Variants in LRRC37A2 observed in about 807,000 individuals in gnomAD.
LRRC37A2 encodes the protein leucine rich repeat containing 37 member A2, also known as leucine-rich repeat-containing protein 37A2.
Under a neutral mutation model 68.8 loss-of-function variants are expected in LRRC37A2, and 9 were observed. That is an observed-to-expected ratio of 0.13 (90% CI 0.08 to 0.23). The LOEUF (loss-of-function observed/expected upper bound fraction) is 0.23. Ranked by LOEUF, LRRC37A2 falls within the 10% of genes least tolerant of loss-of-function variation. The pLI is 1.00. For missense variants in LRRC37A2, 168 were observed against 950.4 expected (o/e 0.18, Z 10.82); for synonymous variants, 63 against 367.6 (o/e 0.17, Z 9.48).
intron 8 of LRRC37A2, among the ~76,000 whole-genome samples, chr17:46,541,328 T>G (rs2055273467): frequency 6.7e-6 from 1 of 149,890 alleles, no homozygotes; most frequent in Admixed American, 6.6e-5. Context: ...CTAGGCTCAC[T>G]GCAACCTCCA....
At chr17:46,870,802 G>T in the LRRC37A2 span, among the ~76,000 whole-genome samples, 12 of 152,090 alleles carry the variant, frequency 7.9e-5, no homozygotes, top group African/African-American at 2.4e-4. Flanking sequence ...ACCACTCCTG[G>T]CTTGACCACA....
At chr17:46,863,215 C>G in the LRRC37A2 span, among the ~76,000 whole-genome samples, 1 of 152,238 alleles carries the variant, frequency 6.6e-6, no homozygotes, top group African/African-American at 2.4e-5. Context: ...GTGGTAGCCT[C>G]TGCAGCCAGA....
At chr17:47,047,549 G>A in the LRRC37A2 span, among the ~76,000 whole-genome samples, 1 of 151,000 alleles carries the variant, frequency 6.6e-6, no homozygotes, top group Non-Finnish European at 1.5e-5. Flanking sequence ...ACTGTGTACT[G>A]TGCTCTCTGC....
the LRRC37A2 span, among the ~76,000 whole-genome samples, chr17:46,945,523 C>T: frequency 3.3e-5 from 5 of 152,204 alleles, no homozygotes; most frequent in African/African-American, 1.2e-4. Context: ...TCACTCCAGC[C>T]TCAGTTTCCT....
chr17:46,885,257 C>G, the LRRC37A2 span: 2 of 295,256 alleles, frequency 6.8e-6, no homozygotes, highest in Non-Finnish European at 1.3e-5. Context: ...CCACCCGCCT[C>G]GGCCTCCCAA....
chr17:47,018,364 A>C, the LRRC37A2 span: 1 of 1,611,080 alleles, frequency 6.2e-7, no homozygotes, highest in Non-Finnish European at 8.5e-7. Flanking sequence ...GAACATCATG[A>C]AGTCACAGTT....
the LRRC37A2 span, among the ~76,000 whole-genome samples, chr17:46,697,535 CG>C: frequency 7.2e-6 from 1 of 139,680 alleles, no homozygotes; most frequent in Non-Finnish European, 1.5e-5. Context: ...AGTAAACTTA[CG>C]TAACTATTCT....
the LRRC37A2 span, among the ~76,000 whole-genome samples, chr17:46,422,822 TGCTTGAATGCA>T: frequency 4.4e-5 from 5 of 113,512 alleles, no homozygotes. Context: ...ACATATAATT[TGCTTGAATGCA>T]GATATTTATT....
chr17:46,807,406 C>T, the LRRC37A2 span, among the ~76,000 whole-genome samples: 2 of 152,084 alleles, frequency 1.3e-5, no homozygotes, highest in Admixed American at 6.6e-5. Flanking sequence ...TGCTTGAACC[C>T]GGGAGGCGGA....
chr17:47,035,072 T>C, the LRRC37A2 span: 3 of 152,220 alleles, frequency 2.0e-5, no homozygotes, highest in African/African-American at 4.8e-5. Context: ...AGAGTGAATC[T>C]TCACTCCTCT....
chr17:46,721,752 T>G, the LRRC37A2 span: 3 of 1,605,018 alleles, frequency 1.9e-6, no homozygotes, highest in East Asian at 4.5e-5. Flanking sequence ...TTGCCCACAA[T>G]TTCGCTTGGG....
chr17:46,795,584 G>A, the LRRC37A2 span, among the ~76,000 whole-genome samples: 1 of 152,322 alleles, frequency 6.6e-6, no homozygotes, highest in East Asian at 1.9e-4. Context: ...CTGGTTAAAA[G>A]CAACCACAGG....
At chr17:47,015,006 C>CTTTT in the LRRC37A2 span, among the ~76,000 whole-genome samples, 123 of 106,098 alleles carry the variant, frequency 1.2e-3, 1 homozygote, top group Non-Finnish European at 1.4e-3. Flanking sequence ...CCATTTTTAT[C>CTTTT]TTTTTTTTTT....
At chr17:46,969,678 T>TA in the LRRC37A2 span, among the ~76,000 whole-genome samples, 1 of 152,198 alleles carries the variant, frequency 6.6e-6, no homozygotes, top group Non-Finnish European at 1.5e-5. Flanking sequence ...ATAAATGCCT[T>TA]AAACACGGAA....
At chr17:46,987,618 C>G in the LRRC37A2 span, among the ~76,000 whole-genome samples, 1 of 152,038 alleles carries the variant, frequency 6.6e-6, no homozygotes, top group Non-Finnish European at 1.5e-5. Context: ...ATGAGTGACC[C>G]CACTCTAAGT....
At chr17:46,751,884 C>T in the LRRC37A2 span, among the ~76,000 whole-genome samples, 52 of 152,176 alleles carry the variant, frequency 3.4e-4, no homozygotes, top group African/African-American at 1.2e-3. Context: ...CTAGAAAAGA[C>T]TTCAAAGAGC....
the LRRC37A2 span, among the ~76,000 whole-genome samples, chr17:46,778,196 G>A: frequency 5.9e-5 from 9 of 152,252 alleles, no homozygotes; most frequent in South Asian, 1.9e-3. Context: ...TTGCATCCCT[G>A]ACTTGGTAGA....
the LRRC37A2 span, among the ~76,000 whole-genome samples, chr17:46,956,250 T>G: frequency 1.4e-5 from 2 of 147,684 alleles, no homozygotes; most frequent in Admixed American, 6.7e-5. Context: ...TCTACCCGCC[T>G]AAGGCCAGGA....
the LRRC37A2 span, among the ~76,000 whole-genome samples, chr17:46,846,370 C>T: frequency 2.8e-4 from 43 of 152,346 alleles, no homozygotes; most frequent in African/African-American, 1.0e-3. Flanking sequence ...CTCAGTACCA[C>T]TATGGGAGGA....
Sources: gnomAD v4.1 joint callset for allele counts (sites outside exome capture counted in the v4.1 genomes callset) on GRCh38, gnomAD v4.1.1 for gene constraint, MANE v1.5 for transcripts, NCBI Gene and HGNC (gene_info 2026-07-23, HGNC 2026-07-21) for gene names.